Variants in ADGRL2 observed in about 807,000 individuals in gnomAD.
ADGRL2 encodes the protein adhesion G protein-coupled receptor L2, also known as calcium-independent alpha-latrotoxin receptor 2.
Under a neutral mutation model 157.4 loss-of-function variants are expected in ADGRL2, and 44 were observed. That is an observed-to-expected ratio of 0.28 (90% CI 0.22 to 0.36). ADGRL2 has a LOEUF of 0.36. ADGRL2 is among the 10% of genes least tolerant of loss of function. ADGRL2 has a pLI of 1.00. For missense variants in ADGRL2, 1,510 were observed against 1,768.9 expected (o/e 0.85, Z 2.63); for synonymous variants, 585 against 624.7 (o/e 0.94, Z 0.95).
intron 2 of ADGRL2, among the ~76,000 whole-genome samples, chr1:81,532,919 G>C (rs544825325): frequency 3.3e-5 from 5 of 150,834 alleles, no homozygotes; most frequent in Non-Finnish European, 7.4e-5. Flanking sequence ...GTGAGACCCT[G>C]TCTCAAAAAA....
intron 1 of ADGRL2, chr1:81,722,462 A>G (rs1273995774): frequency 2.1e-6 from 3 of 1,450,228 alleles, no homozygotes; most frequent in Non-Finnish European, 9.5e-7. Context: ...CAAGAGGGCC[A>G]GCGTTTTCGT....
intron 1 of ADGRL2, among the ~76,000 whole-genome samples, chr1:81,394,424 A>C (rs1241339565): frequency 1.3e-5 from 2 of 151,882 alleles, no homozygotes; most frequent in Non-Finnish European, 2.9e-5. Context: ...CGTGAGATCA[A>C]CTCTTTTGGC....
intron 2 of ADGRL2, among the ~76,000 whole-genome samples, chr1:81,480,785 G>A (rs2147877081): frequency 6.6e-6 from 1 of 152,206 alleles, no homozygotes; most frequent in East Asian, 1.9e-4. Flanking sequence ...AAACTGAAGT[G>A]CAAAAAGGCA....
intron 1 of ADGRL2, among the ~76,000 whole-genome samples, chr1:81,317,407 TGAC>T (rs1376482194): frequency 2.0e-5 from 3 of 152,332 alleles, no homozygotes; most frequent in African/African-American, 7.2e-5. Context: ...AAAGTGCCAC[TGAC>T]TGGTCTGATT....
intron 2 of ADGRL2, among the ~76,000 whole-genome samples, chr1:81,849,592 G>C (rs1392895267): frequency 2.0e-5 from 3 of 151,820 alleles, no homozygotes; most frequent in Admixed American, 6.6e-5. Flanking sequence ...CTTCTGGCAA[G>C]GTCCAAACAA....
intron 2 of ADGRL2, among the ~76,000 whole-genome samples, chr1:81,896,317 T>A (rs910146746): frequency 5.3e-5 from 8 of 151,776 alleles, no homozygotes; most frequent in South Asian, 4.2e-4. Flanking sequence ...TAAAAAAAAA[T>A]AATAATTGTA....
intron 1 of ADGRL2, among the ~76,000 whole-genome samples, chr1:81,825,357 CTCTT>C (rs999610100): frequency 2.6e-5 from 4 of 151,978 alleles, no homozygotes; most frequent in African/African-American, 9.7e-5. Context: ...GCAAGACGCT[CTCTT>C]TTTTTTGAGA....
At chr1:81,589,146 T>A in intron 3 of ADGRL2, among the ~76,000 whole-genome samples, 1 of 152,282 alleles carries the variant, frequency 6.6e-6, no homozygotes, top group South Asian at 2.1e-4. Flanking sequence ...TAGGATGCCA[T>A]CTCTAAGCTG....
chr1:81,566,065 C>T (rs917868363), intron 2 of ADGRL2, among the ~76,000 whole-genome samples: 3 of 152,056 alleles, frequency 2.0e-5, no homozygotes, highest in South Asian at 2.1e-4. Flanking sequence ...AGAATTTAGA[C>T]TACAGAAAGC....
chr1:81,950,119 C>CCGTGTGTG lies in ADGRL2; in HGVS notation c.1211-69_1211-68insGTGTGTGC, dbSNP rs1251960905. 314 of 1,241,984 alleles carry CCGTGTGTG rather than the reference C, an allele frequency of 2.5e-4. No homozygotes were observed. The African/African-American group carries it at 4.3e-3, about 17-fold the overall frequency. The allele number at this position is 1,241,984 out of a possible 1,614,324, so 76.9% of individuals were successfully genotyped here. On this transcript the variant is annotated intron_variant, in intron 6 of 23. Transcript: ENST00000686636. ...GTGTGTGTGTGTGCATGCACACATT[C>CCGTGTGTG]CATGTGTGCATGACTGTATGTGAGT... is the stretch of plus-strand genomic sequence containing the variant.
At chr1:81,426,883 C>G in intron 1 of ADGRL2, 2 of 645,244 alleles carry the variant, frequency 3.1e-6, no homozygotes, top group Admixed American at 1.9e-5. Flanking sequence ...TAATTTGAGA[C>G]TACTTTGAAA....
chr1:81,312,716 T>C (rs1300329785), intron 1 of ADGRL2, among the ~76,000 whole-genome samples: 1 of 152,180 alleles, frequency 6.6e-6, no homozygotes, highest in African/African-American at 2.4e-5. Flanking sequence ...TACTGGCTTC[T>C]GGGGTGTTAT....
chr1:81,628,905 G>A (rs865907806), intron 3 of ADGRL2, among the ~76,000 whole-genome samples: 3 of 152,154 alleles, frequency 2.0e-5, no homozygotes, highest in Non-Finnish European at 4.4e-5. Context: ...GAAATAATGT[G>A]ATTTATTTTA....
In ADGRL2 at chr1:81,895,567, G is replaced by A. The variant is rs1438399920; in HGVS notation, c.74-11450G>A. 2.0e-5 allele frequency among the ~76,000 whole-genome samples: 3 copies of A among 151,696 alleles called. No individual in the cohort carries two copies. The East Asian group carries it at 5.8e-4, about 30-fold the overall frequency. On this transcript the variant is annotated intron_variant, in intron 2 of 23. Coordinates refer to ENST00000686636, the MANE Select transcript of ADGRL2 (RefSeq NM_001366006.2). ...GTGCCCACAGCTAGCTAATTTTTTTGTATTTTTAGTAGAGACGGGGTTTCA... is the reference window on the plus strand; with the variant it reads ...GTGCCCACAGCTAGCTAATTTTTTTATATTTTTAGTAGAGACGGGGTTTCA...
At chr1:81,682,250 T>C (rs2083135690) in intron 3 of ADGRL2, among the ~76,000 whole-genome samples, 1 of 152,142 alleles carries the variant, frequency 6.6e-6, no homozygotes, top group African/African-American at 2.4e-5. Flanking sequence ...CATTGTTTTC[T>C]CATGCAAGTT....
chr1:81,413,638 T>C (rs2101459288), intron 1 of ADGRL2, among the ~76,000 whole-genome samples: 1 of 152,304 alleles, frequency 6.6e-6, no homozygotes, highest in South Asian at 2.1e-4. Context: ...CTTATCAGGG[T>C]TTAAAAATAT....
At chr1:81,487,823 T>A (rs2078541639) in intron 2 of ADGRL2, among the ~76,000 whole-genome samples, 1 of 152,110 alleles carries the variant, frequency 6.6e-6, no homozygotes, top group African/African-American at 2.4e-5. Context: ...GAGGAGGAGA[T>A]GTACAAATAT....
intron 2 of ADGRL2, among the ~76,000 whole-genome samples, chr1:81,532,147 C>A (rs528550486): frequency 3.3e-5 from 5 of 152,234 alleles, no homozygotes; most frequent in African/African-American, 1.2e-4. Flanking sequence ...TACCCTTCAG[C>A]GTTAGTATAA....
intron 1 of ADGRL2, among the ~76,000 whole-genome samples, chr1:81,346,401 C>T (rs1279778125): frequency 6.6e-6 from 1 of 152,070 alleles, no homozygotes; most frequent in Admixed American, 6.6e-5. Flanking sequence ...TCTTTCAGCT[C>T]AGTATAGTCC....
Sources: allele counts gnomAD v4.1 joint callset (sites outside exome capture counted in the v4.1 genomes callset), GRCh38; gene constraint gnomAD v4.1.1; transcripts MANE v1.5; gene names NCBI Gene and HGNC (gene_info 2026-07-23, HGNC 2026-07-21).